Variants in SPATS2 observed in about 807,000 individuals in gnomAD.
SPATS2 encodes the protein spermatogenesis-associated serine-rich protein 2.
A neutral mutation model predicts 63.7 loss-of-function variants in SPATS2; 38 were observed. The ratio of observed to expected loss-of-function variants is 0.60; its 90% CI spans 0.46 to 0.78. The LOEUF (loss-of-function observed/expected upper bound fraction) is 0.78. Ranked by LOEUF, SPATS2 falls within the 30% of genes least tolerant of loss-of-function variation. The pLI is 0.00. For missense variants in SPATS2, 588 were observed against 666.2 expected (o/e 0.88, Z 1.29); for synonymous variants, 207 against 232.9 (o/e 0.89, Z 1.01).
At chr12:49,448,039 G>GC (rs1945546473) in intron 2 of SPATS2, among the ~76,000 whole-genome samples, 1 of 151,312 alleles carries the variant, frequency 6.6e-6, no homozygotes, top group Admixed American at 6.6e-5. Flanking sequence ...GGAAACTCAA[G>GC]CTATAGATTG....
At chr12:49,395,096 ATTTCTT>A (rs933068364) in intron 2 of SPATS2, among the ~76,000 whole-genome samples, 1 of 152,056 alleles carries the variant, frequency 6.6e-6, no homozygotes, top group Admixed American at 6.6e-5. Flanking sequence ...AGACAATTTT[ATTTCTT>A]TTTCTTTTTT....
intron 2 of SPATS2, among the ~76,000 whole-genome samples, chr12:49,427,048 T>G (rs1251577612): frequency 6.6e-6 from 1 of 152,122 alleles, no homozygotes; most frequent in Non-Finnish European, 1.5e-5. Context: ...TTATGTTCAG[T>G]TTTAGTAGAT....
chr12:49,522,487 T>C (rs1461761334), intron 11 of SPATS2, among the ~76,000 whole-genome samples: 1 of 152,300 alleles, frequency 6.6e-6, no homozygotes, highest in East Asian at 1.9e-4. Flanking sequence ...CCTCCTTTTT[T>C]CTTTCTCTGT....
chr12:49,439,936 A>T (rs1299021593), intron 2 of SPATS2, among the ~76,000 whole-genome samples: 1 of 152,204 alleles, frequency 6.6e-6, no homozygotes, highest in Non-Finnish European at 1.5e-5. Context: ...TCATCAGGAT[A>T]AGTTAAGTTC....
intron 6 of SPATS2, chr12:49,491,230 G>C (rs1473190344): frequency 6.6e-6 from 1 of 152,392 alleles, no homozygotes; most frequent in African/African-American, 2.4e-5. Flanking sequence ...TTTAAGGCAG[G>C]AAACAGAATG....
intron 2 of SPATS2, among the ~76,000 whole-genome samples, chr12:49,435,638 C>A (rs1038619040): frequency 3.1e-5 from 3 of 96,054 alleles, no homozygotes; most frequent in Non-Finnish European, 4.5e-5. Context: ...TGAATGGTTT[C>A]TTTTTTTTTT....
chr12:49,521,856 G>A (rs752509879), intron 11 of SPATS2, among the ~76,000 whole-genome samples: 1 of 152,042 alleles, frequency 6.6e-6, no homozygotes, highest in African/African-American at 2.4e-5. Flanking sequence ...ATTCAAGGCC[G>A]GAAGGTCATT....
intron 11 of SPATS2, 85 bp from the exon 12 acceptor site, chr12:49,522,666 A>T: frequency 9.3e-7 from 1 of 1,071,756 alleles, no homozygotes; most frequent in South Asian, 1.6e-5. Flanking sequence ...ACAATTGAAA[A>T]TGATTGTTTA....
intron 3 of SPATS2, among the ~76,000 whole-genome samples, chr12:49,464,670 A>T (rs1319346834): frequency 6.6e-6 from 1 of 151,780 alleles, no homozygotes; most frequent in South Asian, 2.1e-4. Flanking sequence ...TACAAAAAAT[A>T]AAAAAATTAG....
chr12:49,382,613 C>T (rs1944242428), intron 2 of SPATS2, among the ~76,000 whole-genome samples: 1 of 152,220 alleles, frequency 6.6e-6, no homozygotes, highest in African/African-American at 2.4e-5. Context: ...TTCCTCTCTC[C>T]AGAAGTAACC....
intron 2 of SPATS2, among the ~76,000 whole-genome samples, chr12:49,393,115 CA>C (rs1944448282): frequency 6.6e-6 from 1 of 151,974 alleles, no homozygotes; most frequent in African/African-American, 2.4e-5. Context: ...TTAATTATGC[CA>C]ATTGGAGTCG....
At chr12:49,368,539 T>C (rs1943943203) in intron 1 of SPATS2, among the ~76,000 whole-genome samples, 1 of 152,248 alleles carries the variant, frequency 6.6e-6, no homozygotes, top group Non-Finnish European at 1.5e-5. Context: ...AGAATTGCAA[T>C]TTCTCACTGA....
At chr12:49,524,251 A>G (rs1455397757) in intron 12 of SPATS2, among the ~76,000 whole-genome samples, 1 of 152,212 alleles carries the variant, frequency 6.6e-6, no homozygotes, top group Admixed American at 6.5e-5. Context: ...AGAATTTAGT[A>G]AAGATTTTAT....
In SPATS2 at chr12:49,496,943, A is replaced by G; in HGVS notation, c.637A>G (p.Thr213Ala). 6.2e-7 allele frequency: 1 copy of G among 1,608,350 alleles called. No individual in the cohort carries two copies. Among genetic ancestry groups the G allele is most frequent in the Non-Finnish European group, 8.5e-7 (1 of 1,177,994 alleles). ...TGCTGCCAAATCTCTCTCAAGACCTACCACAGAAACTCAGTTTTCAAATAT... is the reference window on the plus strand; with the variant it reads ...TGCTGCCAAATCTCTCTCAAGACCTGCCACAGAAACTCAGTTTTCAAATAT... ...RNAAKSLSRP[T>A]TETQFSNMGM... The change falls in exon 8 of 14, where the codon ACC becomes GCC. Residue 213 changes from threonine (T) to alanine (A), a missense_variant. Transcript: ENST00000552918.
In SPATS2 at chr12:49,526,041, G is replaced by A. The variant is rs377081436; in HGVS notation, c.1424G>A (p.Arg475His). 4.6e-5 allele frequency: 75 copies of A among 1,614,080 alleles called. 1 individual carries two copies. The highest frequency in any genetic ancestry group is 1.6e-4 in the Middle Eastern group (1 of 6,084). The change falls in exon 14 of 14, where the codon CGT (arginine) becomes CAT (histidine). Residue 475 changes from arginine to histidine, a missense_variant. Arg to His is a conservative substitution (Grantham distance 29). Coordinates refer to ENST00000552918, the MANE Select transcript of SPATS2 (RefSeq NM_023071.4). The stretch of plus-strand genomic sequence containing the variant: ...CAAGGGCGGCATGACAGTATGGGTC[G>A]TTACAGAAACAGCTCGTGGTATTCA... Reference protein sequence around the residue: ...MNQGRHDSMGRYRNSSWYSSG... With the variant: ...MNQGRHDSMGHYRNSSWYSSG...
chr12:49,485,748 A>G, intron 4 of SPATS2, among the ~76,000 whole-genome samples: 1 of 140,742 alleles, frequency 7.1e-6, no homozygotes, highest in East Asian at 2.2e-4. Flanking sequence ...TAAAAGCTTT[A>G]TGGGCTCTCT....
intron 1 of SPATS2, among the ~76,000 whole-genome samples, chr12:49,368,214 G>T (rs1943936931): frequency 6.6e-6 from 1 of 152,200 alleles, no homozygotes; most frequent in Non-Finnish European, 1.5e-5. Flanking sequence ...GGTTCTTTTA[G>T]AAAGTGGATC....
At chr12:49,467,252 C>T (rs1174800339) in intron 3 of SPATS2, among the ~76,000 whole-genome samples, 3 of 140,254 alleles carry the variant, frequency 2.1e-5, no homozygotes, top group East Asian at 4.2e-4. Context: ...TTAGTAGAGA[C>T]GGGGTTTCAC....
At chr12:49,440,438 G>A (rs1945396615) in intron 2 of SPATS2, among the ~76,000 whole-genome samples, 1 of 150,804 alleles carries the variant, frequency 6.6e-6, no homozygotes, top group African/African-American at 2.4e-5. Flanking sequence ...ATCTGAAGCA[G>A]TTCTTCAATT....
Sources: gnomAD v4.1 joint callset for allele counts (sites outside exome capture counted in the v4.1 genomes callset) on GRCh38, gnomAD v4.1.1 for gene constraint, MANE v1.5 for transcripts, NCBI Gene and HGNC (gene_info 2026-07-23, HGNC 2026-07-21) for gene names.